Variants in RBPMS observed in about 807,000 individuals in gnomAD.
RBPMS encodes the protein RNA binding protein, mRNA processing factor.
RBPMS carries 7 observed loss-of-function variants against 26.8 expected under a neutral mutation model. The observed-to-expected ratio is 0.26, with a 90% CI of 0.15 to 0.49. The LOEUF is 0.49. Among genes scored for constraint, RBPMS ranks in the 20% least tolerant of loss-of-function variants. RBPMS has a pLI of 0.98. For missense variants in RBPMS, 186 were observed against 250.0 expected, an observed-to-expected ratio of 0.74 and a Z score of 1.73; for synonymous variants, 96 against 93.3, an observed-to-expected ratio of 1.03 and a Z score of -0.17.
chr8:30,517,597 A>G (rs1822481344), intron 5 of RBPMS, among the ~76,000 whole-genome samples: 1 of 152,182 alleles, frequency 6.6e-6, no homozygotes, highest in Non-Finnish European at 1.5e-5. Flanking sequence ...TTCTCACTTG[A>G]GTTTAGCAAA....
chr8:30,556,077 G>A lies in RBPMS; in HGVS notation c.529-2810G>A, dbSNP rs1317457613. 22 of 985,340 alleles carry A rather than the reference G, an allele frequency of 2.2e-5. No individual in the cohort carries two copies. In the Admixed American group the frequency reaches 9.2e-4, roughly 41 times the overall value. 61.0% of individuals were successfully genotyped at this position (985,340 alleles called of 1,614,324 possible). A position where few individuals can be genotyped will look rare whatever the true frequency, so the allele number is the denominator to read the frequency against. On this transcript the variant is annotated intron_variant, in intron 6 of 8. Coordinates refer to ENST00000397323, the MANE Select transcript of RBPMS (RefSeq NM_001008710.3). ...TCTCAGGCTGGAAGAGGAGGCAGCC[G>A]TGGGTGTCTGTGGATGCGGTGAGAA...
chr8:30,510,671 C>T lies in RBPMS; in HGVS notation c.397+6235C>T, dbSNP rs562436882. Among the ~76,000 whole-genome samples, 5 of 152,250 alleles carry T rather than the reference C, an allele frequency of 3.3e-5. No individual in the cohort carries two copies. In the East Asian group the frequency reaches 9.7e-4, roughly 29 times the overall value. ...AATCATGGCTCCCTGCAGCTTTGAC[C>T]TCCTCTCAAGTGATCCTTCTACCTC... is the stretch of plus-strand genomic sequence containing the variant. On this transcript the variant is annotated intron_variant, in intron 5 of 8. Coordinates refer to ENST00000397323, the MANE Select transcript of RBPMS (RefSeq NM_001008710.3).
chr8:30,426,560 G>C (rs1262319459), intron 1 of RBPMS, among the ~76,000 whole-genome samples: 1 of 152,132 alleles, frequency 6.6e-6, no homozygotes, highest in Non-Finnish European at 1.5e-5. Flanking sequence ...AGGCAAACAT[G>C]ACTATCTCTG....
chr8:30,443,842 G>A (rs553463743), intron 1 of RBPMS, among the ~76,000 whole-genome samples: 8 of 152,152 alleles, frequency 5.3e-5, no homozygotes, highest in African/African-American at 1.9e-4. Flanking sequence ...TGATCTGCCC[G>A]CCTCGGCCTC....
intron 1 of RBPMS, among the ~76,000 whole-genome samples, chr8:30,451,350 C>T (rs1220841087): frequency 1.3e-5 from 2 of 152,212 alleles, no homozygotes; most frequent in Non-Finnish European, 2.9e-5. Flanking sequence ...AGAATTGCTT[C>T]AGCCATTGAC....
chr8:30,471,735 G>C (rs960258170), intron 1 of RBPMS, among the ~76,000 whole-genome samples: 6 of 152,192 alleles, frequency 3.9e-5, no homozygotes, highest in Non-Finnish European at 8.8e-5. Flanking sequence ...GGGCACACTG[G>C]ATTAGCAGGA....
chr8:30,558,118 C>A (rs1410462413), intron 6 of RBPMS: 2 of 152,352 alleles, frequency 1.3e-5, no homozygotes, highest in African/African-American at 2.4e-5. Flanking sequence ...CCCGCCTTGA[C>A]CTCCCAAAGT....
intron 1 of RBPMS, among the ~76,000 whole-genome samples, chr8:30,439,048 A>G (rs1812788755): frequency 6.6e-6 from 1 of 152,224 alleles, no homozygotes; most frequent in South Asian, 2.1e-4. Flanking sequence ...AAGTACTGAA[A>G]TTACAAGAAG....
At chr8:30,543,509 C>G (rs1018915880) in intron 5 of RBPMS, among the ~76,000 whole-genome samples, 9 of 152,190 alleles carry the variant, frequency 5.9e-5, no homozygotes, top group African/African-American at 2.2e-4. Flanking sequence ...TTTGCTGACT[C>G]CCGTGTTAGT....
chr8:30,442,738 A>G (rs2979474), intron 1 of RBPMS: 151,883 of 152,196 alleles, frequency 1, 75,793 homozygotes, highest in Middle Eastern at 1. Flanking sequence ...TTGTGGTGGA[A>G]GTCGGAGCGA....
intron 1 of RBPMS, among the ~76,000 whole-genome samples, chr8:30,389,013 A>G (rs1050107123): frequency 6.6e-6 from 1 of 151,546 alleles, no homozygotes. Context: ...GGTTGTAAAG[A>G]AAATTATTTC....
rs368845698 is a variant in RBPMS at position 30,450,045 on chromosome 8, TA to T, written c.67-24731del. Among the ~76,000 whole-genome samples the T allele has an allele frequency of 1.8e-3, 280 of 152,360 alleles. 2 individuals are homozygous for T. The highest frequency in any genetic ancestry group is 6.5e-3 in the African/African-American group (269 of 41,590). The stretch of plus-strand genomic sequence containing the variant: ...CTTTCTTTTAAACAAATGAAGGTAT[TA>T]AACGGCTCACAGATGGAAGGCAGGT... On this transcript the variant is annotated intron_variant, in intron 1 of 8. Coordinates refer to ENST00000397323, the MANE Select transcript of RBPMS (RefSeq NM_001008710.3).
At chr8:30,411,303 C>T (rs1310040966) in intron 1 of RBPMS, among the ~76,000 whole-genome samples, 1 of 152,088 alleles carries the variant, frequency 6.6e-6, no homozygotes, top group Non-Finnish European at 1.5e-5. Flanking sequence ...TTGGAATCTT[C>T]TGGAGATTCT....
chr8:30,540,139 G>A (rs901985022), intron 5 of RBPMS, among the ~76,000 whole-genome samples: 2 of 152,178 alleles, frequency 1.3e-5, no homozygotes, highest in Admixed American at 6.5e-5. Context: ...ACACTGAGGA[G>A]TTAAGCTGGG....
chr8:30,433,538 G>T (rs906890177), intron 1 of RBPMS, among the ~76,000 whole-genome samples: 4 of 152,148 alleles, frequency 2.6e-5, no homozygotes, highest in Admixed American at 1.3e-4. Flanking sequence ...CAGGTGTGGT[G>T]GTGAATGCCT....
intron 1 of RBPMS, among the ~76,000 whole-genome samples, chr8:30,418,919 T>C (rs1407155754): frequency 1.3e-5 from 2 of 152,302 alleles, no homozygotes; most frequent in South Asian, 2.1e-4. Context: ...TGGCACTCTT[T>C]ATACGTTGTA....
chr8:30,518,380 G>T (rs1822578606), intron 5 of RBPMS, among the ~76,000 whole-genome samples: 1 of 152,078 alleles, frequency 6.6e-6, no homozygotes, highest in South Asian at 2.1e-4. Context: ...GTTGTAGGCA[G>T]TTAGCTAGGA....
In RBPMS at chr8:30,426,922, A is replaced by G. The variant is rs147355339; in HGVS notation, c.66+41764A>G. Among the ~76,000 whole-genome samples, 571 of 152,192 alleles carry G rather than the reference A, an allele frequency of 3.8e-3. 3 individuals are homozygous for G. Among genetic ancestry groups the G allele is most frequent in the African/African-American group, 0.01 (430 of 41,508 alleles). On this transcript the variant is annotated intron_variant, in intron 1 of 8. Coordinates refer to ENST00000397323, the MANE Select transcript of RBPMS (RefSeq NM_001008710.3). ...ACACCTAGGCTTTAGAGTATATGGC[A>G]ATTCAACATCAGAACTTGTTTACTG... is the stretch of plus-strand genomic sequence containing the variant.
At chr8:30,556,780 G>A (rs924324374) in intron 6 of RBPMS, 2 of 985,982 alleles carry the variant, frequency 2.0e-6, no homozygotes, top group African/African-American at 1.7e-5. Context: ...AGATGCACCA[G>A]GCCATGAGCC....
Sources: allele counts gnomAD v4.1 joint callset (sites outside exome capture counted in the v4.1 genomes callset), GRCh38; gene constraint gnomAD v4.1.1; transcripts MANE v1.5; gene names NCBI Gene and HGNC (gene_info 2026-07-23, HGNC 2026-07-21).